The following IL22RA2 variants were observed in gnomAD, a reference collection of about 807,000 sequenced individuals.
IL22RA2 encodes the protein interleukin-22 receptor subunit alpha-2.
A neutral mutation model predicts 30.7 loss-of-function variants in IL22RA2; 39 were observed. That is an observed-to-expected ratio of 1.27 (90% CI 0.98 to 1.66). The LOEUF is 1.66. Among genes scored for constraint, IL22RA2 ranks in the 40% most tolerant of loss-of-function variants. IL22RA2 has a pLI of 0.00. For missense variants in IL22RA2, 315 were observed against 312.7 expected (o/e 1.01, Z -0.05); for synonymous variants, 103 against 105.0 (o/e 0.98, Z 0.11).
chr6:137,166,114 A>G (rs1272976583), intron 1 of IL22RA2, among the ~76,000 whole-genome samples: 2 of 152,242 alleles, frequency 1.3e-5, no homozygotes, highest in Admixed American at 6.5e-5. Flanking sequence ...TAAAAGACCC[A>G]CATGTTAAAT....
intron 2 of IL22RA2, among the ~76,000 whole-genome samples, chr6:137,159,543 G>A (rs916772352): frequency 2.6e-5 from 4 of 152,086 alleles, no homozygotes; most frequent in Non-Finnish European, 5.9e-5. Context: ...GGCTGGTCTC[G>A]AACTCCTGAC....
At chr6:137,158,561 C>T in intron 2 of IL22RA2, 79 bp from the exon 3 acceptor site, 4 of 1,460,822 alleles carry the variant, frequency 2.7e-6, no homozygotes, top group Non-Finnish European at 2.8e-6. Context: ...CAGTGGAATA[C>T]CTGCATCAGG....
At chr6:137,159,676 C>A (rs1778482008) in intron 2 of IL22RA2, among the ~76,000 whole-genome samples, 2 of 152,192 alleles carry the variant, frequency 1.3e-5, no homozygotes, top group Middle Eastern at 3.2e-3. Context: ...ACCCCGACCC[C>A]TGTGTTTGCA....
chr6:137,148,337 A>T (rs1273179955), intron 5 of IL22RA2, among the ~76,000 whole-genome samples: 3 of 152,070 alleles, frequency 2.0e-5, no homozygotes, highest in African/African-American at 4.8e-5. Context: ...CAGCTTCCTG[A>T]GTAGCTGAGA....
In IL22RA2 at chr6:137,158,356, T is replaced by G. The variant is rs1031319174; in HGVS notation, c.188A>C (p.Gln63Pro). The stretch of plus-strand genomic sequence containing the variant: ...GGCTCAATTTACTTACATTTTGTAC[T>G]GCACAAAATAGACACTGCTGTTGCC... ...LTGNSSVYFV[Q>P]YKIMFSCSMK... Residue 63 changes from glutamine (Q) to proline (P), a missense_variant, in exon 3 of 7, where the codon CAG (glutamine) becomes CCG (proline). Physicochemically the swap from Gln to Pro is moderately conservative, Grantham distance 76. Transcript: ENST00000296980. The G allele has an allele frequency of 2.5e-6, 4 of 1,614,190 alleles. No individual in the cohort carries two copies. The highest frequency in any genetic ancestry group is 3.4e-6 in the Non-Finnish European group (4 of 1,179,990).
rs1778455704 is a variant in IL22RA2 at position 137,158,466 on chromosome 6, A to T, written c.78T>A (p.His26Gln). The change falls in exon 3 of 7, where the codon CAT becomes CAA. Residue 26 changes from histidine to glutamine, a missense_variant. Physicochemically the swap from His to Gln is conservative, Grantham distance 24. Coordinates refer to ENST00000296980, the MANE Select transcript of IL22RA2 (RefSeq NM_052962.3). ...LTGVAGTQST[H>Q]ESLKPQRVQF... is the part of the protein sequence containing the mutation. ...GTACCCTCTGAGGCTTCAGAGACTC[A>T]TGCGTTGACTGAGTTCCTAAGATAA... The T allele has an allele frequency of 6.2e-7, 1 of 1,614,008 alleles. No individual in the cohort carries two copies. Among genetic ancestry groups the T allele is most frequent in the Non-Finnish European group, 8.5e-7 (1 of 1,179,982 alleles).
At chr6:137,148,015 A>C (rs1443123588) in intron 5 of IL22RA2, 124 bp from the exon 6 acceptor site, 2 of 815,700 alleles carry the variant, frequency 2.5e-6, no homozygotes, top group Non-Finnish European at 4.0e-6. Context: ...CCGAGGCTGC[A>C]GTGAGCTATG....
At chr6:137,157,948 C>G (rs749877044) in intron 3 of IL22RA2, among the ~76,000 whole-genome samples, 29 of 152,176 alleles carry the variant, frequency 1.9e-4, no homozygotes, top group Non-Finnish European at 4.1e-4. Flanking sequence ...TTATTTTACA[C>G]ACTCACCACC....
Position 137,143,923 on chromosome 6 carries a change from G to C in IL22RA2, c.*1701C>G, listed in dbSNP as rs1267021785. 1 of 152,166 alleles carries C rather than the reference G, an allele frequency of 6.6e-6. No individual in the cohort carries two copies. Among genetic ancestry groups the C allele is most frequent in the Non-Finnish European group, 1.5e-5 (1 of 68,030 alleles). The allele number at this position is 152,166 out of a possible 1,614,324, so 9.4% of individuals were successfully genotyped here. A position where few individuals can be genotyped will look rare whatever the true frequency, so the allele number is the denominator to read the frequency against. ...CATAGAGTATTTTGCACTTGCCTAA[G>C]CACAAAAGCAAAAACAGAGCAAGGC... On this transcript the variant is annotated 3_prime_UTR_variant, in exon 7 of 7. Coordinates refer to ENST00000296980, the MANE Select transcript of IL22RA2 (RefSeq NM_052962.3).
At chr6:137,172,694 C>T (rs930601731) in intron 1 of IL22RA2, among the ~76,000 whole-genome samples, 13 of 152,208 alleles carry the variant, frequency 8.5e-5, no homozygotes, top group African/African-American at 2.4e-4. Flanking sequence ...ACGGTGACAA[C>T]GGGTATTTCC....
At chr6:137,160,648 A>G (rs910957479) in intron 2 of IL22RA2, among the ~76,000 whole-genome samples, 21 of 152,314 alleles carry the variant, frequency 1.4e-4, no homozygotes, top group Middle Eastern at 3.4e-3. Flanking sequence ...ACATTAACTT[A>G]TGTTAGGCAC....
chr6:137,146,336 T>G (rs1391729438), intron 6 of IL22RA2, among the ~76,000 whole-genome samples: 1 of 152,092 alleles, frequency 6.6e-6, no homozygotes, highest in Non-Finnish European at 1.5e-5. Flanking sequence ...CTGGCCTTCT[T>G]TTTAAGAATT....
intron 5 of IL22RA2, among the ~76,000 whole-genome samples, chr6:137,150,666 A>C (rs1778272383): frequency 6.6e-6 from 1 of 152,010 alleles, no homozygotes. Context: ...TGATAAGTAA[A>C]TTTGAATGTG....
chr6:137,165,793 T>A (rs1277155302), intron 1 of IL22RA2, among the ~76,000 whole-genome samples: 1 of 152,174 alleles, frequency 6.6e-6, no homozygotes. Context: ...AGAAAAGCCA[T>A]GATAAAGACC....
rs1317743592 is a variant in IL22RA2, at chr6:137,145,133, T to A, written c.*491A>T. 6.6e-6 allele frequency: 1 copy of A among 151,744 alleles called. No individual in the cohort carries two copies. Among genetic ancestry groups the A allele is most frequent in the Admixed American group, 6.6e-5 (1 of 15,236 alleles). The allele number at this position is 151,744 out of a possible 1,614,324, so 9.4% of individuals were successfully genotyped here. On this transcript the variant is annotated 3_prime_UTR_variant, in exon 7 of 7. Transcript: ENST00000296980. ...TATATTCATATAAAATAGAAATGTA[T>A]GAAAAATATTCACCTTTATAGAAGT...
intron 1 of IL22RA2, among the ~76,000 whole-genome samples, chr6:137,164,451 G>A (rs1487746856): frequency 6.6e-6 from 1 of 152,194 alleles, no homozygotes; most frequent in Admixed American, 6.5e-5. Context: ...AGGAACAATA[G>A]AAAGAAACTG....
chr6:137,160,046 G>A (rs190818831), intron 2 of IL22RA2, among the ~76,000 whole-genome samples: 2 of 152,274 alleles, frequency 1.3e-5, no homozygotes, highest in African/African-American at 2.4e-5. Flanking sequence ...TGTGTTCTTG[G>A]AAAGAGTCTA....
chr6:137,159,868 A>C (rs1361134943), intron 2 of IL22RA2, among the ~76,000 whole-genome samples: 1 of 152,238 alleles, frequency 6.6e-6, no homozygotes, highest in Non-Finnish European at 1.5e-5. Flanking sequence ...AACACTTCCA[A>C]GCCCATGGTC....
chr6:137,145,655 C>T lies in IL22RA2; in HGVS notation c.761G>A (p.Arg254Lys). The change falls in exon 7 of 7, where the codon AGA becomes AAA. Residue 254 changes from arginine to lysine, a missense_variant. Arg to Lys is a conservative substitution (Grantham distance 26, BLOSUM62 2). Coordinates refer to ENST00000296980, the MANE Select transcript of IL22RA2 (RefSeq NM_052962.3). The part of the protein sequence containing the change: ...YQPMLDRRSQ[R>K]SEERCVEIP The stretch of plus-strand genomic sequence containing the variant: ...AATTTCCACACATCTCTCTTCACTT[C>T]TCTGACTTCTTCTGTCTAACATGGG... 6.2e-7 allele frequency: 1 copy of T among 1,611,434 alleles called. No individual in the cohort carries two copies. Among genetic ancestry groups the T allele is most frequent in the Non-Finnish European group, 8.5e-7 (1 of 1,178,874 alleles).
Sources: gnomAD v4.1 joint callset for allele counts (sites outside exome capture counted in the v4.1 genomes callset) on GRCh38, gnomAD v4.1.1 for gene constraint, MANE v1.5 for transcripts, NCBI Gene and HGNC (gene_info 2026-07-23, HGNC 2026-07-21) for gene names.